Variants in RYR3 observed in about 807,000 individuals in gnomAD.
RYR3 encodes brain ryanodine receptor-calcium release channel.
Under a neutral mutation model 584.3 loss-of-function variants are expected in RYR3, and 207 were observed. The observed-to-expected ratio is 0.35, with a 90% CI of 0.32 to 0.40. RYR3 has a LOEUF of 0.40. Ranked by LOEUF, RYR3 falls within the 10% of genes least tolerant of loss-of-function variation. The pLI is 1.00. For missense variants in RYR3, 5,616 were observed against 6,089.2 expected (o/e 0.92, Z 2.59); for synonymous variants, 2,416 against 2,248.5 (o/e 1.07, Z -2.11).
intron 1 of RYR3, among the ~76,000 whole-genome samples, chr15:33,319,014 T>C (rs2140506652): frequency 6.6e-6 from 1 of 152,280 alleles, no homozygotes; most frequent in African/African-American, 2.4e-5. Context: ...GCTTATCCCC[T>C]AACAGAGCAA....
intron 14 of RYR3, among the ~76,000 whole-genome samples, chr15:33,581,945 A>G (rs2058616010): frequency 6.6e-6 from 1 of 152,200 alleles, no homozygotes; most frequent in Non-Finnish European, 1.5e-5. Flanking sequence ...GAACACATTT[A>G]TGATGTCTTC....
rs200126350 is a variant in RYR3 at position 33,865,285 on chromosome 15, C to A, written c.*59C>A. 8.1e-7 allele frequency: 1 copy of A among 1,228,734 alleles called. No individual in the cohort carries two copies. The allele number at this position is 1,228,734 out of a possible 1,614,324, so 76.1% of individuals were successfully genotyped here. A position where few individuals can be genotyped will look rare whatever the true frequency, so the allele number is the denominator to read the frequency against. On this transcript the variant is annotated 3_prime_UTR_variant, in exon 104 of 104. Transcript: ENST00000634891. ...GTCAACTTCCCATGAAATAAAGTCC[C>A]CTTTTTACAGTTCTGCAACATATCT... is the stretch of plus-strand genomic sequence containing the variant.
chr15:33,729,981 G>A (rs2068804915), intron 47 of RYR3, among the ~76,000 whole-genome samples: 1 of 152,090 alleles, frequency 6.6e-6, no homozygotes, highest in Non-Finnish European at 1.5e-5. Context: ...ATTCCCATGT[G>A]TGGTATGGTG....
At chr15:33,864,213 C>A (rs1889584669) in intron 103 of RYR3, 24 bp downstream of exon 103, 20 of 1,580,882 alleles carry the variant, frequency 1.3e-5, no homozygotes, top group Non-Finnish European at 1.6e-5. Flanking sequence ...AATCATATAC[C>A]CGTGTTAGAT....
chr15:33,644,609 T>C, intron 28 of RYR3, 90 bp downstream of exon 28: 1 of 932,710 alleles, frequency 1.1e-6, no homozygotes, highest in Non-Finnish European at 1.7e-6. Flanking sequence ...GGCAGCTGCT[T>C]ACCTAAGTCT....
chr15:33,712,359 C>T (rs1318827850), intron 43 of RYR3, among the ~76,000 whole-genome samples: 1 of 151,970 alleles, frequency 6.6e-6, no homozygotes, highest in Non-Finnish European at 1.5e-5. Flanking sequence ...ATGGCTGAGC[C>T]TAGGTATGTT....
chr15:33,499,834 A>G (rs2051794932), intron 2 of RYR3, among the ~76,000 whole-genome samples: 1 of 152,204 alleles, frequency 6.6e-6, no homozygotes, highest in Non-Finnish European at 1.5e-5. Flanking sequence ...GGTATCCCCT[A>G]TGGTGCCTTC....
intron 43 of RYR3, chr15:33,722,371 A>G: frequency 7.3e-6 from 2 of 273,590 alleles, no homozygotes; most frequent in Non-Finnish European, 1.3e-5. Flanking sequence ...CCTGAGCCGA[A>G]GAGTAAAAAC....
rs977910664 is a variant in RYR3 at position 33,772,168 on chromosome 15, A to C, written c.9055+10A>C. The C allele has an allele frequency of 6.4e-7, 1 of 1,574,190 alleles. No homozygotes were observed. Among genetic ancestry groups the C allele is most frequent in the Non-Finnish European group, 8.7e-7 (1 of 1,145,616 alleles). On this transcript the variant is annotated intron_variant, in intron 63 of 103. Transcript: ENST00000634891. Reference sequence around the variant, plus strand: ...GGAATGGATCTACTCTGTGAGTTCTACTGGTATTTGTCGTGGATGTATGTG... The same window carrying C: ...GGAATGGATCTACTCTGTGAGTTCTCCTGGTATTTGTCGTGGATGTATGTG...
chr15:33,665,037 C>A (rs1024739199), intron 36 of RYR3, among the ~76,000 whole-genome samples: 1 of 152,174 alleles, frequency 6.6e-6, no homozygotes, highest in African/African-American at 2.4e-5. Flanking sequence ...ACAAAATGCA[C>A]AAGTGTGCTA....
At chr15:33,473,041 C>T (rs1596292373) in intron 1 of RYR3, among the ~76,000 whole-genome samples, 1 of 152,180 alleles carries the variant, frequency 6.6e-6, no homozygotes, top group African/African-American at 2.4e-5. Flanking sequence ...TCTCTGTTCC[C>T]TTCAATCCTA....
chr15:33,841,603 A>G (rs2078367768), intron 90 of RYR3, among the ~76,000 whole-genome samples: 1 of 152,150 alleles, frequency 6.6e-6, no homozygotes, highest in African/African-American at 2.4e-5. Flanking sequence ...TCAGAAGGGG[A>G]AAAAAATTGT....
At chr15:33,399,705 C>T (rs1349240566) in intron 1 of RYR3, among the ~76,000 whole-genome samples, 2 of 152,092 alleles carry the variant, frequency 1.3e-5, no homozygotes, top group African/African-American at 4.8e-5. Context: ...ACCTGTACCT[C>T]CTCAACACCC....
chr15:33,491,422 A>C lies in RYR3; in HGVS notation c.172-12209A>C, dbSNP rs373659347. Among the ~76,000 whole-genome samples the C allele has an allele frequency of 1.6e-4, 24 of 152,306 alleles. No individual in the cohort carries two copies. In the East Asian group the frequency reaches 4.1e-3, roughly 26 times the overall value. On this transcript the variant is annotated intron_variant, in intron 2 of 103. Transcript: ENST00000634891. ...GAATGCCACAGGAAAGCAAGTGGCTAATCTGAAGCATTTATCTTCATGGGG... is the reference window on the plus strand; with the variant it reads ...GAATGCCACAGGAAAGCAAGTGGCTCATCTGAAGCATTTATCTTCATGGGG...
intron 69 of RYR3, among the ~76,000 whole-genome samples, chr15:33,804,058 C>T (rs1226817899): frequency 6.6e-6 from 1 of 152,224 alleles, no homozygotes; most frequent in Non-Finnish European, 1.5e-5. Flanking sequence ...CACCTACTAA[C>T]AAACTAACCT....
chr15:33,352,575 G>C (rs748342010), intron 1 of RYR3, among the ~76,000 whole-genome samples: 16 of 152,062 alleles, frequency 1.1e-4, no homozygotes, highest in African/African-American at 4.8e-5. Flanking sequence ...TTGGTGCTTC[G>C]TTTTGTCTCT....
At chr15:33,809,738 C>T (rs1312436177) in intron 70 of RYR3, among the ~76,000 whole-genome samples, 1 of 151,614 alleles carries the variant, frequency 6.6e-6, no homozygotes, top group South Asian at 2.1e-4. Flanking sequence ...TGGGTTCAAG[C>T]GATTGTCCTG....
rs543668217 is a variant in RYR3, at chr15:33,716,088, C to T, written c.6620-6627C>T. Among the ~76,000 whole-genome samples, 10 of 152,278 alleles carry T rather than the reference C, an allele frequency of 6.6e-5. No individual in the cohort carries two copies. The East Asian group carries it at 1.7e-3, about 26-fold the overall frequency. On this transcript the variant is annotated intron_variant, in intron 43 of 103. Coordinates refer to ENST00000634891, the MANE Select transcript of RYR3 (RefSeq NM_001036.6). Reference sequence around the variant, plus strand: ...GTGTGGTACCTTCCTCCCACTCTTTCTCTCGTTCTCTGAGACACCTGCTCC... The same window carrying T: ...GTGTGGTACCTTCCTCCCACTCTTTTTCTCGTTCTCTGAGACACCTGCTCC...
At chr15:33,540,222 A>C (rs1047123770) in intron 6 of RYR3, among the ~76,000 whole-genome samples, 1 of 152,186 alleles carries the variant, frequency 6.6e-6, no homozygotes, top group African/African-American at 2.4e-5. Flanking sequence ...GATCGAATAT[A>C]GGAAAATAAG....
Sources: gnomAD v4.1 joint callset for allele counts (sites outside exome capture counted in the v4.1 genomes callset) on GRCh38, gnomAD v4.1.1 for gene constraint, MANE v1.5 for transcripts, NCBI Gene and HGNC (gene_info 2026-07-23, HGNC 2026-07-21) for gene names.